The following HMCN1 variants were observed in gnomAD, a reference collection of about 807,000 sequenced individuals.
The protein encoded by HMCN1 is hemicentin-1.
In HMCN1, 321 loss-of-function variants were observed where a neutral mutation model predicts 625.9. The observed-to-expected ratio is 0.51, with a 90% CI of 0.47 to 0.56. The LOEUF (loss-of-function observed/expected upper bound fraction) is 0.56, where lower values mean the gene tolerates loss of function less well. Ranked by LOEUF, HMCN1 falls within the 20% of genes least tolerant of loss-of-function variation. The probability of loss-of-function intolerance (pLI) is 0.00; values close to 1 mark genes in which losing one functional copy is unlikely to be tolerated. For synonymous variants in HMCN1, 2,425 were observed against 2,417.6 expected, an observed-to-expected ratio of 1.00 and a Z score of -0.09; for missense variants, 6,588 against 6,887.3, an observed-to-expected ratio of 0.96 and a Z score of 1.54.
intron 42 of HMCN1, among the ~76,000 whole-genome samples, chr1:186,050,819 C>A (rs1656902225): frequency 6.6e-6 from 1 of 152,032 alleles, no homozygotes; most frequent in African/African-American, 2.4e-5. Flanking sequence ...CATGTGTGGA[C>A]ATAGAGCAAT....
intron 70 of HMCN1, among the ~76,000 whole-genome samples, 200 bp from the exon 71 acceptor site, chr1:186,108,261 T>C (rs1660713926): frequency 6.6e-6 from 1 of 152,146 alleles, no homozygotes; most frequent in South Asian, 2.1e-4. Context: ...GTTGGAAGGA[T>C]TTCTTTACTT....
chr1:185,845,867 C>A (rs769945606), intron 1 of HMCN1, among the ~76,000 whole-genome samples, 159 bp from the exon 2 acceptor site: 1 of 152,166 alleles, frequency 6.6e-6, no homozygotes, highest in African/African-American at 2.4e-5. Flanking sequence ...ATAAGTTATT[C>A]TCTGGTAGCT....
chr1:185,793,435 C>T lies in HMCN1; in HGVS notation c.269-52591C>T, dbSNP rs113810557. 7.1e-3 allele frequency among the ~76,000 whole-genome samples: 1,080 copies of T among 152,262 alleles called. 7 individuals carry two copies. The highest frequency in any genetic ancestry group is 0.014 in the South Asian group (69 of 4,822). ...TTCTTGCCTCCCTCTTGTAAGGTCT[C>T]TTGTGATTACTTTGGTCCCATCTGA... On this transcript the variant is annotated intron_variant, in intron 1 of 106. Coordinates refer to ENST00000271588, the MANE Select transcript of HMCN1 (RefSeq NM_031935.3).
chr1:186,007,281 T>G lies in HMCN1; in HGVS notation c.4629T>G (p.Tyr1543Ter). The change falls in exon 30 of 107, where the codon TAT becomes TAG. Residue 1543 changes from tyrosine (Y) to a stop codon, truncating the protein, a stop_gained and splice_region_variant. Coordinates refer to ENST00000271588, the MANE Select transcript of HMCN1 (RefSeq NM_031935.3). LOFTEE classifies it high-confidence loss of function. ...KQAKDIKLTI[Y>*]IPPSIKGGNV... ...CCAAGGATATAAAACTGACTATCTA[T>G]AGTAAGTGCGATTGTCTTATGCTTT... is the stretch of plus-strand genomic sequence containing the variant. 1 of 1,613,370 alleles carries G rather than the reference T, an allele frequency of 6.2e-7. No homozygotes were observed. The highest frequency in any genetic ancestry group is 8.5e-7 in the Non-Finnish European group (1 of 1,179,430).
chr1:185,980,117 ATTATT>A (rs1478252245), intron 16 of HMCN1, among the ~76,000 whole-genome samples: 1 of 152,204 alleles, frequency 6.6e-6, no homozygotes, highest in Non-Finnish European at 1.5e-5. Flanking sequence ...CATAATAAAA[ATTATT>A]TTAATGTCTA....
intron 63 of HMCN1, 47 bp downstream of exon 63, chr1:186,088,802 A>G (rs1332926005): frequency 6.5e-7 from 1 of 1,535,690 alleles, no homozygotes; most frequent in African/African-American, 1.4e-5. Context: ...TTGTTATTCC[A>G]TTTATAGTAC....
At chr1:186,014,265 AAGATTATATTGATACTTATAT>A (rs1654203539) in intron 30 of HMCN1, among the ~76,000 whole-genome samples, 1 of 151,844 alleles carries the variant, frequency 6.6e-6, no homozygotes, top group East Asian at 1.9e-4. Flanking sequence ...AAAAGTTTGT[AAGATTATATTGATACTTATAT>A]AGATTATATT....
chr1:186,000,725 A>G (rs1653136966), intron 26 of HMCN1, among the ~76,000 whole-genome samples: 1 of 152,024 alleles, frequency 6.6e-6, no homozygotes, highest in African/African-American at 2.4e-5. Context: ...GTCTCACTAA[A>G]CAATCTATCT....
At chr1:185,864,380 G>A (rs754056376) in intron 2 of HMCN1, 90 bp from the exon 3 acceptor site, 66 of 1,243,902 alleles carry the variant, frequency 5.3e-5, no homozygotes, top group South Asian at 1.5e-4. Context: ...AAACTTGCTC[G>A]TTCTAAAACT....
chr1:186,155,266 G>A (rs565897390), intron 97 of HMCN1, among the ~76,000 whole-genome samples: 37 of 152,138 alleles, frequency 2.4e-4, no homozygotes, highest in South Asian at 6.2e-4. Flanking sequence ...ATTTTTTGAG[G>A]TAATCACAGA....
At chr1:185,868,609 C>T (rs1042136246) in intron 4 of HMCN1, among the ~76,000 whole-genome samples, 5 of 152,148 alleles carry the variant, frequency 3.3e-5, no homozygotes, top group African/African-American at 1.2e-4. Context: ...TTTCTGAGGC[C>T]TCCCCAACCA....
At chr1:186,000,494 C>T (rs1653103746) in intron 26 of HMCN1, among the ~76,000 whole-genome samples, 1 of 151,102 alleles carries the variant, frequency 6.6e-6, no homozygotes, top group Admixed American at 6.6e-5. Context: ...TGTGCTGAGC[C>T]ATCTACTTAT....
intron 1 of HMCN1, among the ~76,000 whole-genome samples, chr1:185,803,205 C>CAAAAAAAAAAAAAAAAAAAAAAAA: frequency 4.6e-3 from 269 of 58,710 alleles, no homozygotes; most frequent in Non-Finnish European, 6.9e-3. Flanking sequence ...AAAAAAAAAG[C>CAAAAAAAAAAAAAAAAAAAAAAAA]AAAAAAAAAA....
chr1:186,103,917 T>C (rs905222650), intron 69 of HMCN1, among the ~76,000 whole-genome samples: 1 of 152,164 alleles, frequency 6.6e-6, no homozygotes, highest in South Asian at 2.1e-4. Context: ...TTCACAGTGC[T>C]ATAAGTGTTA....
chr1:185,810,460 G>A (rs1659441042), intron 1 of HMCN1, among the ~76,000 whole-genome samples: 1 of 152,114 alleles, frequency 6.6e-6, no homozygotes, highest in African/African-American at 2.4e-5. Context: ...AAGAAAAGCT[G>A]CATGAATGTT....
chr1:185,942,560 TACTTA>T (rs1176222247), intron 11 of HMCN1, among the ~76,000 whole-genome samples: 2 of 152,238 alleles, frequency 1.3e-5, no homozygotes, highest in East Asian at 1.9e-4. Flanking sequence ...GTTCATATCA[TACTTA>T]ACTTCATCTA....
At chr1:185,960,319 G>A (rs1487903114) in intron 11 of HMCN1, among the ~76,000 whole-genome samples, 1 of 151,960 alleles carries the variant, frequency 6.6e-6, no homozygotes, top group Non-Finnish European at 1.5e-5. Context: ...GGTAGAGACA[G>A]AGTTTCTCCA....
chr1:185,825,703 A>C (rs968554925), intron 1 of HMCN1, among the ~76,000 whole-genome samples: 11 of 152,176 alleles, frequency 7.2e-5, no homozygotes, highest in African/African-American at 2.7e-4. Flanking sequence ...ATTGGCAGGC[A>C]AATTTATGGT....
At chr1:185,805,536 A>G (rs1659110796) in intron 1 of HMCN1, among the ~76,000 whole-genome samples, 1 of 152,184 alleles carries the variant, frequency 6.6e-6, no homozygotes, top group Non-Finnish European at 1.5e-5. Context: ...AGTTTTTGTC[A>G]TATCTCATTA....
Sources: gnomAD v4.1 joint callset for allele counts (sites outside exome capture counted in the v4.1 genomes callset) on GRCh38, gnomAD v4.1.1 for gene constraint, MANE v1.5 for transcripts, NCBI Gene and HGNC (gene_info 2026-07-23, HGNC 2026-07-21) for gene names.